The following ADGRG2 variants were observed in gnomAD, a reference collection of about 807,000 sequenced individuals.
ADGRG2 encodes adhesion G protein-coupled receptor G2.
A neutral mutation model predicts 74.1 loss-of-function variants in ADGRG2; 26 were observed. That is an observed-to-expected ratio of 0.35 (90% CI 0.26 to 0.49). The LOEUF (loss-of-function observed/expected upper bound fraction) is 0.49. Ranked by LOEUF, ADGRG2 falls within the 20% of genes least tolerant of loss-of-function variation. The pLI is 0.99. For missense variants in ADGRG2, 619 were observed against 763.1 expected, an observed-to-expected ratio of 0.81 and a Z score of 2.22; for synonymous variants, 296 against 295.2, an observed-to-expected ratio of 1.00 and a Z score of -0.03.
chrX:19,108,477 A>G (rs1007344153), intron 1 of ADGRG2, among the ~76,000 whole-genome samples: 46 of 112,362 alleles, frequency 4.1e-4, no homozygotes, highest in African/African-American at 1.4e-3. Flanking sequence ...AGGCAAGAGA[A>G]TCACCCACAG....
intron 15 of ADGRG2, among the ~76,000 whole-genome samples, chrX:19,014,834 T>C (rs1160114728): frequency 9.0e-6 from 1 of 111,664 alleles, no homozygotes; most frequent in Non-Finnish European, 1.9e-5. Context: ...GGTTTTGCTA[T>C]GTTGGCCAGG....
chrX:19,071,514 C>T (rs1351623994), intron 2 of ADGRG2, among the ~76,000 whole-genome samples: 1 of 111,468 alleles, frequency 9.0e-6, no homozygotes, highest in Non-Finnish European at 1.9e-5. Context: ...CCAAGGAAAC[C>T]AGAGACAAAA....
At chrX:19,000,632 C>T (rs759726421) in intron 24 of ADGRG2, among the ~76,000 whole-genome samples, 13 of 111,641 alleles carry the variant, frequency 1.2e-4, no homozygotes, top group Non-Finnish European at 2.5e-4. Context: ...AACTGCAAGA[C>T]CAGGGACTCC....
intron 26 of ADGRG2, 151 bp downstream of exon 26, chrX:18,998,845 G>A (rs778240111): frequency 1.4e-4 from 66 of 484,896 alleles, no homozygotes; most frequent in Non-Finnish European, 2.2e-4. Context: ...ACAACAATTT[G>A]TGTGACTCAC....
chrX:19,072,383 A>G (rs750005833), intron 2 of ADGRG2, among the ~76,000 whole-genome samples: 7 of 111,559 alleles, frequency 6.3e-5, no homozygotes, highest in Non-Finnish European at 1.1e-4. Flanking sequence ...GTCTCCTTGT[A>G]AGTAAAATGT....
At chrX:19,120,620 A>ACCC (rs1347363821) in intron 1 of ADGRG2, among the ~76,000 whole-genome samples, 18 of 111,625 alleles carry the variant, frequency 1.6e-4, no homozygotes, top group Non-Finnish European at 2.6e-4. Context: ...TGATCAAAAA[A>ACCC]TGGGTTCTCT....
chrX:18,994,523 T>C (rs1251551361), intron 28 of ADGRG2, among the ~76,000 whole-genome samples: 2 of 111,419 alleles, frequency 1.8e-5, no homozygotes, highest in Non-Finnish European at 3.8e-5. Context: ...TGAACATGTA[T>C]ATTATGATAG....
chrX:19,023,801 C>T lies in ADGRG2; in HGVS notation c.510+108G>A, dbSNP rs1287290032. ...CTAGTCCATTCATTCTCTTACACAA[C>T]AAATTTGGGAGAATTTGAATACATA... On this transcript the variant is annotated intron_variant, in intron 12 of 28. Transcript: ENST00000379869. 8.6e-6 allele frequency: 5 copies of T among 579,893 alleles called. No homozygotes were observed. In the East Asian group the frequency reaches 1.0e-4, roughly 12 times the overall value. The allele number at this position is 579,893 out of a possible 1,213,427, so 47.8% of individuals were successfully genotyped here.
At chrX:19,090,205 C>T (rs1168348683) in intron 1 of ADGRG2, among the ~76,000 whole-genome samples, 1 of 112,063 alleles carries the variant, frequency 8.9e-6, no homozygotes, top group Non-Finnish European at 1.9e-5. Context: ...TCCATGGGCC[C>T]TACTCATAAA....
intron 28 of ADGRG2, 84 bp downstream of exon 28, chrX:18,994,812 G>C (rs2059987414): frequency 1.3e-6 from 1 of 754,435 alleles, no homozygotes; most frequent in Admixed American, 3.3e-5. Context: ...TACTCACTTT[G>C]CTTAGCCAAA....
chrX:19,000,475 T>C (rs2060108446), intron 24 of ADGRG2, among the ~76,000 whole-genome samples: 1 of 111,804 alleles, frequency 8.9e-6, no homozygotes, highest in Non-Finnish European at 1.9e-5. Flanking sequence ...ATGGCTCACT[T>C]TGGGCCCATG....
intron 3 of ADGRG2, among the ~76,000 whole-genome samples, chrX:19,065,231 T>C (rs1368631998): frequency 6.4e-5 from 5 of 78,609 alleles, no homozygotes; most frequent in Admixed American, 2.1e-4. Context: ...GATCGCGCAC[T>C]CAAGTCTGGG....
chrX:19,111,619 T>C (rs2062413906), intron 1 of ADGRG2, among the ~76,000 whole-genome samples: 1 of 111,470 alleles, frequency 9.0e-6, no homozygotes, highest in Non-Finnish European at 1.9e-5. Context: ...GGACTGACAA[T>C]GTGGTGTGAT....
At chrX:19,079,115 T>C (rs2061802338) in intron 2 of ADGRG2, among the ~76,000 whole-genome samples, 1 of 111,726 alleles carries the variant, frequency 9.0e-6, no homozygotes. Context: ...GAATAGTAGG[T>C]ATAACCATTA....
At chrX:19,013,037 C>T (rs764219524) in intron 16 of ADGRG2, among the ~76,000 whole-genome samples, 16 of 111,227 alleles carry the variant, frequency 1.4e-4, no homozygotes, top group Non-Finnish European at 2.4e-4. Context: ...ATAGAACAGG[C>T]GGAGGCAGAA....
At chrX:19,106,773 G>A (rs1398851091) in intron 1 of ADGRG2, among the ~76,000 whole-genome samples, 1 of 110,018 alleles carries the variant, frequency 9.1e-6, no homozygotes, top group African/African-American at 3.3e-5. Flanking sequence ...ACAAAAATTA[G>A]CTGGGCGGTG....
In ADGRG2 at chrX:19,009,735, T is replaced by C; in HGVS notation, c.1313A>G (p.Asn438Ser). 2 of 1,203,865 alleles carry C rather than the reference T, an allele frequency of 1.7e-6. No homozygotes were observed. Among genetic ancestry groups the C allele is most frequent in the African/African-American group, 1.7e-5 (1 of 57,762 alleles). The change falls in exon 18 of 29, where the codon AAC becomes AGC. Residue 438 changes from asparagine to serine, a missense_variant. By Grantham distance (46) the Asn-to-Ser change is conservative. This residue lies in a region of ADGRG2 where 221 missense variants were observed against 340.6 expected (regional missense o/e 0.65). Transcript: ENST00000379869. Reference sequence around the variant, plus strand: ...AGGGGAGGTTAGACTTATAGTCGTGTTTGAAAAGTTCAGCTGTAGGCCAAT... The same window carrying C: ...AGGGGAGGTTAGACTTATAGTCGTGCTTGAAAAGTTCAGCTGTAGGCCAAT... Reference protein sequence around the residue: ...DDIGLQLNFSNTTISLTSPSL... With the variant: ...DDIGLQLNFSSTTISLTSPSL...
intron 2 of ADGRG2, among the ~76,000 whole-genome samples, chrX:19,080,574 T>TG (rs1306489730): frequency 2.7e-5 from 3 of 111,499 alleles, no homozygotes; most frequent in Non-Finnish European, 5.6e-5. Flanking sequence ...CAGGGTTCTG[T>TG]GGGGATTAAA....
At chrX:19,053,989 A>G (rs2061370624) in intron 3 of ADGRG2, among the ~76,000 whole-genome samples, 1 of 111,635 alleles carries the variant, frequency 9.0e-6, no homozygotes, top group African/African-American at 3.3e-5. Context: ...CCGTTATTCA[A>G]TTATCTCCCA....
Sources: gnomAD v4.1 joint callset for allele counts (sites outside exome capture counted in the v4.1 genomes callset) on GRCh38, gnomAD v4.1.1 for gene constraint, gnomAD v4.1.1 regional missense constraint, MANE v1.5 for transcripts, NCBI Gene and HGNC (gene_info 2026-07-23, HGNC 2026-07-21) for gene names.